Variants in RBFOX1 observed in about 807,000 individuals in gnomAD.
The protein encoded by RBFOX1 is RNA binding protein fox-1 homolog 1.
RBFOX1 carries 8 observed loss-of-function variants against 57.7 expected under a neutral mutation model. The observed-to-expected ratio is 0.14, with a 90% CI of 0.08 to 0.25. The LOEUF (loss-of-function observed/expected upper bound fraction) is 0.25. Ranked by LOEUF, RBFOX1 falls within the 10% of genes least tolerant of loss-of-function variation. The probability of loss-of-function intolerance (pLI) is 1.00; values close to 1 mark genes in which losing one functional copy is unlikely to be tolerated. For missense variants in RBFOX1, 611 were observed against 548.5 expected (o/e 1.11, Z -1.14); for synonymous variants, 326 against 222.4 (o/e 1.47, Z -4.15).
chr16:5,309,349 A>G (rs375191745), intron 1 of RBFOX1, among the ~76,000 whole-genome samples: 1 of 152,154 alleles, frequency 6.6e-6, no homozygotes, highest in South Asian at 2.1e-4. Context: ...AACAGTTCTC[A>G]TAGATGAAGT....
At chr16:5,267,305 TTC>T (rs796521620) in intron 1 of RBFOX1, among the ~76,000 whole-genome samples, 3,184 of 78,606 alleles carry the variant, frequency 0.041, 62 homozygotes, top group Middle Eastern at 0.12. Flanking sequence ...GGGTTTTTTT[TTC>T]TTTTTCTTTT....
At chr16:6,895,442 G>GTA (rs1277364462) in intron 3 of RBFOX1, among the ~76,000 whole-genome samples, 1 of 78,658 alleles carries the variant, frequency 1.3e-5, no homozygotes, top group African/African-American at 5.0e-5. Context: ...GTGTGTGTGT[G>GTA]TGTGTGTATA....
chr16:7,332,919 G>A (rs550082744), intron 4 of RBFOX1: 23 of 1,598,044 alleles, frequency 1.4e-5, no homozygotes, highest in East Asian at 4.5e-5. Flanking sequence ...TTTGTAGTTC[G>A]GAAGAAGTTG....
intron 3 of RBFOX1, among the ~76,000 whole-genome samples, chr16:5,807,332 T>G (rs1327331831): frequency 1.3e-5 from 2 of 152,118 alleles, no homozygotes; most frequent in Non-Finnish European, 2.9e-5. Flanking sequence ...TCTTAGTATT[T>G]CCTTCACAAT....
chr16:5,708,962 A>G (rs2051352670), intron 3 of RBFOX1, among the ~76,000 whole-genome samples: 1 of 152,184 alleles, frequency 6.6e-6, no homozygotes, highest in Non-Finnish European at 1.5e-5. Flanking sequence ...AGCAAGAGAG[A>G]ACACGGGCCA....
chr16:5,829,152 G>A (rs2056178274), intron 3 of RBFOX1, among the ~76,000 whole-genome samples: 1 of 152,132 alleles, frequency 6.6e-6, no homozygotes, highest in African/African-American at 2.4e-5. Flanking sequence ...AGGAGGAAGG[G>A]GTCAATGGGG....
At chr16:5,891,785 G>A (rs1446845867) in intron 4 of RBFOX1, among the ~76,000 whole-genome samples, 3 of 152,154 alleles carry the variant, frequency 2.0e-5, no homozygotes, top group Non-Finnish European at 2.9e-5. Context: ...CACAGGGCTC[G>A]GACATCTGAT....
intron 3 of RBFOX1, among the ~76,000 whole-genome samples, chr16:7,031,632 A>T (rs560430732): frequency 6.6e-6 from 1 of 152,072 alleles, no homozygotes; most frequent in Non-Finnish European, 1.5e-5. Flanking sequence ...AAGAAAGGCA[A>T]TGTCAACGAC....
intron 11 of RBFOX1, among the ~76,000 whole-genome samples, chr16:7,643,395 T>A (rs143493646): frequency 4.7e-4 from 71 of 152,344 alleles, no homozygotes; most frequent in East Asian, 3.1e-3. Flanking sequence ...TGATATTTGA[T>A]AACATATTAA....
chr16:5,506,599 T>C (rs2151710846), intron 2 of RBFOX1, among the ~76,000 whole-genome samples: 1 of 152,246 alleles, frequency 6.6e-6, no homozygotes, highest in South Asian at 2.1e-4. Flanking sequence ...AAGTTAATGA[T>C]AAATTAAACC....
intron 2 of RBFOX1, among the ~76,000 whole-genome samples, chr16:5,556,084 A>G (rs139144356): frequency 1.1e-4 from 16 of 152,310 alleles, no homozygotes; most frequent in Middle Eastern, 3.4e-3. Context: ...CTTTCCCTGT[A>G]TTCTACTGCT....
intron 3 of RBFOX1, among the ~76,000 whole-genome samples, chr16:5,788,080 T>G (rs1273254038): frequency 6.6e-6 from 1 of 152,174 alleles, no homozygotes; most frequent in Non-Finnish European, 1.5e-5. Flanking sequence ...TTGAAAAGAT[T>G]GTCTGTGAGC....
At chr16:6,293,739 T>C (rs937810449) in intron 1 of RBFOX1, among the ~76,000 whole-genome samples, 9 of 134,584 alleles carry the variant, frequency 6.7e-5, no homozygotes, top group African/African-American at 2.5e-4. Context: ...AGGTACTTGA[T>C]CTGAACTTTG....
intron 4 of RBFOX1, among the ~76,000 whole-genome samples, chr16:7,496,423 G>C (rs765398104): frequency 6.6e-6 from 1 of 152,194 alleles, no homozygotes; most frequent in African/African-American, 2.4e-5. Flanking sequence ...GATTAGAGGG[G>C]TGAGCCACTG....
intron 4 of RBFOX1, among the ~76,000 whole-genome samples, chr16:7,302,491 T>C (rs1481200484): frequency 1.3e-5 from 2 of 152,046 alleles, no homozygotes; most frequent in Non-Finnish European, 2.9e-5. Flanking sequence ...GCCCCAAATA[T>C]TCTTTTGTGA....
At position 5,537,593 on chromosome 16, in the gene RBFOX1, T is replaced by G. The variant is rs547613729; in HGVS notation, c.259-61309T>G. ...GTGGTTGTGGGACTGAGGTGCCTCT[T>G]TTATTGCTGGCTGTAAACTGAAGGT... On this transcript the variant is annotated intron_variant, in intron 2 of 2. Transcript: ENST00000585867. Among the ~76,000 whole-genome samples the G allele has an allele frequency of 3.9e-5, 6 of 152,290 alleles. No individual in the cohort carries two copies. In the East Asian group the frequency reaches 1.2e-3, roughly 29 times the overall value.
intron 1 of RBFOX1, among the ~76,000 whole-genome samples, chr16:6,028,956 C>G (rs1444385123): frequency 2.6e-5 from 4 of 152,102 alleles, no homozygotes; most frequent in Non-Finnish European, 4.4e-5. Context: ...TGAGCTTGGG[C>G]CAGTTACTGC....
At chr16:7,347,167 G>C (rs568724759) in intron 4 of RBFOX1, among the ~76,000 whole-genome samples, 1 of 152,118 alleles carries the variant, frequency 6.6e-6, no homozygotes, top group Non-Finnish European at 1.5e-5. Context: ...TGTCGTAAGT[G>C]GATGGGGGTT....
At chr16:6,789,859 GCTA>G (rs945360644) in intron 3 of RBFOX1, among the ~76,000 whole-genome samples, 2 of 151,704 alleles carry the variant, frequency 1.3e-5, no homozygotes, top group African/African-American at 4.8e-5. Context: ...TAAGTGGTTA[GCTA>G]CTTTTTTTCT....
Sources: gnomAD v4.1 joint callset for allele counts (sites outside exome capture counted in the v4.1 genomes callset) on GRCh38, gnomAD v4.1.1 for gene constraint, MANE v1.5 for transcripts, NCBI Gene and HGNC (gene_info 2026-07-23, HGNC 2026-07-21) for gene names.